EPHA3: variants seen among roughly 807,000 people sequenced by gnomAD.
EPHA3 encodes the protein EPH receptor A3.
EPHA3 carries 42 observed loss-of-function variants against 107.1 expected under a neutral mutation model. The ratio of observed to expected loss-of-function variants is 0.39; its 90% CI spans 0.31 to 0.51. The LOEUF is 0.51. Ranked by LOEUF, EPHA3 falls within the 20% of genes least tolerant of loss-of-function variation. The pLI is 0.78. For missense variants in EPHA3, 1,183 were observed against 1,211.2 expected (o/e 0.98, Z 0.35); for synonymous variants, 461 against 424.8 (o/e 1.09, Z -1.05).
At chr3:89,174,826 T>C (rs1472621153) in intron 2 of EPHA3, among the ~76,000 whole-genome samples, 1 of 151,898 alleles carries the variant, frequency 6.6e-6, no homozygotes, top group Admixed American at 6.6e-5. Context: ...TAATAGGATA[T>C]AAATAATTAT....
intron 1 of EPHA3, 64 bp downstream of exon 1, chr3:89,107,900 T>A (rs2106933208): frequency 1.3e-6 from 2 of 1,514,714 alleles, no homozygotes; most frequent in Non-Finnish European, 1.8e-6. Context: ...CAAAGCACGT[T>A]CTCACCGAAG....
chr3:89,225,499 G>A (rs1278365202), intron 3 of EPHA3, among the ~76,000 whole-genome samples: 3 of 152,142 alleles, frequency 2.0e-5, no homozygotes, highest in Non-Finnish European at 4.4e-5. Flanking sequence ...CTAAGATGGT[G>A]CCAGTTTATA....
At chr3:89,277,749 CTT>C (rs1034601362) in intron 3 of EPHA3, among the ~76,000 whole-genome samples, 1 of 152,066 alleles carries the variant, frequency 6.6e-6, no homozygotes, top group Middle Eastern at 3.2e-3. Flanking sequence ...TTTCCGGAAA[CTT>C]TATTTTCCAG....
intron 7 of EPHA3, among the ~76,000 whole-genome samples, chr3:89,404,742 C>T (rs1272526577): frequency 5.3e-5 from 8 of 152,144 alleles, no homozygotes; most frequent in African/African-American, 1.9e-4. Flanking sequence ...TAGTTTAATT[C>T]TGTTTTCAAC....
At position 89,429,164 on chromosome 3, in the gene EPHA3, A is replaced by G. The variant is rs140661567; in HGVS notation, c.2133A>G (p.Leu711=). ...AGAATGGTTCCTTGGATAGTTTCCT[A>G]CGTGTAAGTAAGATGCACACACATA... ...YMENGSLDSF[L]RKHDAQFTVI... The change falls in exon 12 of 17, where the codon CTA becomes CTG. Residue 711 remains leucine, a synonymous_variant. Coordinates refer to ENST00000336596, the MANE Select transcript of EPHA3 (RefSeq NM_005233.6). 5 of 1,609,772 alleles carry G rather than the reference A, an allele frequency of 3.1e-6. No individual in the cohort carries two copies. The South Asian group carries it at 4.4e-5, about 14-fold the overall frequency.
chr3:89,351,174 A>C (rs1707806168), intron 5 of EPHA3, among the ~76,000 whole-genome samples: 1 of 151,144 alleles, frequency 6.6e-6, no homozygotes, highest in South Asian at 2.1e-4. Context: ...TGCTTTGTTT[A>C]CCTAAGCAAG....
At chr3:89,195,864 A>C (rs1705826606) in intron 2 of EPHA3, among the ~76,000 whole-genome samples, 2 of 152,188 alleles carry the variant, frequency 1.3e-5, no homozygotes, top group South Asian at 4.1e-4. Flanking sequence ...ACGAGTGATG[A>C]GAAAAACTTC....
At chr3:89,149,126 A>C (rs898631020) in intron 2 of EPHA3, among the ~76,000 whole-genome samples, 13 of 151,994 alleles carry the variant, frequency 8.6e-5, no homozygotes, top group Non-Finnish European at 1.8e-4. Context: ...AACAATCATA[A>C]AATATTATAT....
intron 3 of EPHA3, among the ~76,000 whole-genome samples, chr3:89,254,856 A>G (rs548072409): frequency 2.1e-4 from 32 of 152,192 alleles, no homozygotes; most frequent in Admixed American, 5.9e-4. Flanking sequence ...CTCATTTCTG[A>G]ACTCTAAAGG....
In EPHA3 at chr3:89,480,288, A is replaced by G. The variant is rs992219917; in HGVS notation, c.*786A>G. ...AATGGGTTTCTTTCAGATTTTTTGA[A>G]CCATCCACTTACATATATTTTTAAA... On this transcript the variant is annotated 3_prime_UTR_variant, in exon 17 of 17. Transcript: ENST00000336596. 8.6e-6 allele frequency: 2 copies of G among 232,954 alleles called. No individual in the cohort carries two copies. Among genetic ancestry groups the G allele is most frequent in the Non-Finnish European group, 1.7e-5 (2 of 117,840 alleles). The allele number at this position is 232,954 out of a possible 1,614,324, so 14.4% of individuals were successfully genotyped here. A position where few individuals can be genotyped will look rare whatever the true frequency, so the allele number is the denominator to read the frequency against.
At chr3:89,314,519 T>A (rs541251101) in intron 3 of EPHA3, among the ~76,000 whole-genome samples, 1 of 152,014 alleles carries the variant, frequency 6.6e-6, no homozygotes, top group South Asian at 2.1e-4. Context: ...GCAAATAAAT[T>A]ATGAAAGAAT....
At chr3:89,456,645 A>G (rs1214266462) in intron 15 of EPHA3, among the ~76,000 whole-genome samples, 1 of 152,186 alleles carries the variant, frequency 6.6e-6, no homozygotes, top group Non-Finnish European at 1.5e-5. Context: ...GAAGTGGGGA[A>G]GGTGGAAAAG....
intron 5 of EPHA3, among the ~76,000 whole-genome samples, chr3:89,375,020 C>G (rs573410884): frequency 1.3e-5 from 2 of 151,684 alleles, no homozygotes; most frequent in Admixed American, 6.6e-5. Flanking sequence ...TTTCACAATT[C>G]AAGAATAAGT....
intron 3 of EPHA3, among the ~76,000 whole-genome samples, chr3:89,214,520 T>C (rs1704180081): frequency 6.6e-6 from 1 of 151,980 alleles, no homozygotes; most frequent in Non-Finnish European, 1.5e-5. Context: ...TGAATGTATA[T>C]ATTTGTGTAT....
intron 3 of EPHA3, among the ~76,000 whole-genome samples, chr3:89,282,715 T>C (rs2107317038): frequency 6.6e-6 from 1 of 152,218 alleles, no homozygotes; most frequent in South Asian, 2.1e-4. Flanking sequence ...AGTGAATAAA[T>C]GTGAAAAATG....
chr3:89,210,046 G>A lies in EPHA3; in HGVS notation c.340G>A (p.Gly114Arg). ...RDCNSIPLVL[G>R]TCKETFNLYY... ...CTGCAATAGCATTCCATTGGTTTTA[G>A]GAACTTGCAAGGAGACATTCAACCT... The change falls in exon 3 of 17, where the codon GGA becomes AGA. Residue 114 changes from glycine to arginine, a missense_variant. Physicochemically the swap from Gly to Arg is moderately radical, Grantham distance 125. Coordinates refer to ENST00000336596, the MANE Select transcript of EPHA3 (RefSeq NM_005233.6). 1.9e-6 allele frequency: 3 copies of A among 1,614,016 alleles called. No homozygotes were observed. Among genetic ancestry groups the A allele is most frequent in the Non-Finnish European group, 2.5e-6 (3 of 1,179,920 alleles).
At chr3:89,130,445 A>T (rs1704181716) in intron 2 of EPHA3, among the ~76,000 whole-genome samples, 2 of 152,146 alleles carry the variant, frequency 1.3e-5, no homozygotes, top group South Asian at 4.1e-4. Flanking sequence ...TCTTTCATGG[A>T]ATGCTTGTAT....
chr3:89,163,862 T>C (rs539109919), intron 2 of EPHA3, among the ~76,000 whole-genome samples: 1 of 152,324 alleles, frequency 6.6e-6, no homozygotes, highest in Non-Finnish European at 1.5e-5. Context: ...AGTGACTGTT[T>C]TCTCTTTGAG....
intron 3 of EPHA3, among the ~76,000 whole-genome samples, chr3:89,308,178 T>C (rs563642105): frequency 2.0e-5 from 3 of 152,126 alleles, no homozygotes; most frequent in Non-Finnish European, 2.9e-5. Context: ...GATAAAATGG[T>C]ATTAAGTCTC....
Sources: gnomAD v4.1 joint callset for allele counts (sites outside exome capture counted in the v4.1 genomes callset) on GRCh38, gnomAD v4.1.1 for gene constraint, MANE v1.5 for transcripts, NCBI Gene and HGNC (gene_info 2026-07-23, HGNC 2026-07-21) for gene names.